The following RC3H2 variants were observed in gnomAD, a reference collection of about 807,000 sequenced individuals.
RC3H2 encodes ring finger and CCCH-type domains 2.
Under a neutral mutation model 133.3 loss-of-function variants are expected in RC3H2, and 31 were observed. The ratio of observed to expected loss-of-function variants is 0.23; its 90% confidence interval spans 0.17 to 0.31. The LOEUF (loss-of-function observed/expected upper bound fraction) is 0.31. Ranked by LOEUF, RC3H2 falls within the 10% of genes least tolerant of loss-of-function variation. The pLI, the probability that RC3H2 is intolerant of heterozygous loss-of-function variation, is 1.00. For synonymous variants in RC3H2, 517 were observed against 502.2 expected, an observed-to-expected ratio of 1.03 and a Z score of -0.40; for missense variants, 1,175 against 1,437.2, an observed-to-expected ratio of 0.82 and a Z score of 2.95.
rs1832806401 is a variant in RC3H2, at chr9:122,905,318, T to G, written c.-276A>C. ...TCCTCCTCCCTCCACCTCCGCCTCC[T>G]CCTCCTCCTCCTCCTCACCACGGAG... On this transcript the variant is annotated 5_prime_UTR_variant, in exon 1 of 21. Transcript: ENST00000357244. 1 of 977,200 alleles carries G rather than the reference T, an allele frequency of 1.0e-6. No individual in the cohort carries two copies. Among genetic ancestry groups the G allele is most frequent in the Non-Finnish European group, 1.2e-6 (1 of 822,286 alleles). The allele number at this position is 977,200 out of a possible 1,614,324, so 60.5% of individuals were successfully genotyped here.
At chr9:122,887,946 T>C (rs1831999412) in intron 4 of RC3H2, among the ~76,000 whole-genome samples, 1 of 152,116 alleles carries the variant, frequency 6.6e-6, no homozygotes, top group African/African-American at 2.4e-5. Context: ...GGTTTCGCCA[T>C]GTTGGCCAGG....
Position 122,865,623 on chromosome 9 carries a change from C to A in RC3H2, c.1360G>T (p.Val454Leu). ...RLRNKKINAT[V>L]RTFPLLNKVG... ...TTATTTAGAAGAGGAAACGTTCTTA[C>A]AGTGGCATTGATCTTTTTGTTCCTT... Residue 454 changes from valine (V) to leucine (L), a missense_variant, in exon 10 of 21, where the codon GTA (valine) becomes TTA (leucine). Val to Leu is a conservative substitution (Grantham distance 32, BLOSUM62 1). Transcript: ENST00000357244. The A allele has an allele frequency of 6.2e-7, 1 of 1,613,444 alleles. No individual in the cohort carries two copies. Among genetic ancestry groups the A allele is most frequent in the Non-Finnish European group, 8.5e-7 (1 of 1,179,934 alleles).
chr9:122,869,429 C>T (rs1588077582), intron 9 of RC3H2, among the ~76,000 whole-genome samples: 2 of 152,140 alleles, frequency 1.3e-5, no homozygotes, highest in East Asian at 3.8e-4. Flanking sequence ...TCCTTCTCTT[C>T]TCCTTCTCTT....
intron 18 of RC3H2, among the ~76,000 whole-genome samples, chr9:122,853,549 C>T (rs1217342728): frequency 6.6e-6 from 1 of 152,124 alleles, no homozygotes; most frequent in African/African-American, 2.4e-5. Flanking sequence ...GTCAGGAGTT[C>T]AAGACCAGCT....
chr9:122,875,112 A>G, intron 9 of RC3H2: 1 of 1,392,808 alleles, frequency 7.2e-7, no homozygotes, highest in Admixed American at 2.8e-5. Flanking sequence ...CTTGATGTGA[A>G]ATTCTGTATA....
In RC3H2 at chr9:122,883,141, T is replaced by C. The variant is rs145187712; in HGVS notation, c.759+63A>G. 45 of 1,488,572 alleles carry C rather than the reference T, an allele frequency of 3.0e-5. No individual in the cohort carries two copies. In the East Asian group the frequency reaches 9.2e-4, roughly 30 times the overall value. The allele number at this position is 1,488,572 out of a possible 1,614,324, so 92.2% of individuals were successfully genotyped here. ...GCTAGGGCCTCTAGACTGGGTAACATGAATTTCAGGAAGTCTCTGTCTCAC... is the reference window on the plus strand; with the variant it reads ...GCTAGGGCCTCTAGACTGGGTAACACGAATTTCAGGAAGTCTCTGTCTCAC... On this transcript the variant is annotated intron_variant, in intron 5 of 20. Transcript: ENST00000357244.
Position 122,891,012 on chromosome 9 carries a change from ATTTTTTTTTTT to A in RC3H2, c.350-478_350-468del, listed in dbSNP as rs10571749. Among the ~76,000 whole-genome samples, 77 of 72,828 alleles carry A rather than the reference ATTTTTTTTTTT, an allele frequency of 1.1e-3. 1 individual carries two copies. The South Asian group carries it at 0.017, about 16-fold the overall frequency. 47.8% of individuals were successfully genotyped at this position (72,828 alleles called of 152,430 possible). A position where few individuals can be genotyped will look rare whatever the true frequency, so the allele number is the denominator to read the frequency against. Reference sequence around the variant, plus strand: ...CTGCTTCCCCTACCAAATCTGCCCCATTTTTTTTTTTTTTTTTTTTTTTTGGAGACAGAGTC... The same window carrying A: ...CTGCTTCCCCTACCAAATCTGCCCCATTTTTTTTTTTTTGGAGACAGAGTC... On this transcript the variant is annotated intron_variant, in intron 3 of 20. Transcript: ENST00000357244.
chr9:122,897,371 G>C lies in RC3H2; in HGVS notation c.139C>G (p.Arg47Gly). The change falls in exon 2 of 21, where the codon CGA becomes GGA. Residue 47 changes from arginine (R) to glycine (G), a missense_variant. Around this residue, in one of 8 missense-constraint regions of RC3H2, gnomAD observed 41 missense variants for 88.0 expected, o/e 0.47. Transcript: ENST00000357244. ...GTCTGGTCAAAAGGACAAGCTTTTCGATGAAGTTTATTCAAGCAGGTCTTG... is the reference window on the plus strand; with the variant it reads ...GTCTGGTCAAAAGGACAAGCTTTTCCATGAAGTTTATTCAAGCAGGTCTTG... ...VCKTCLNKLH[R>G]KACPFDQTAI... 1 of 1,614,160 alleles carries C rather than the reference G, an allele frequency of 6.2e-7. No individual in the cohort carries two copies.
chr9:122,855,689 T>C (rs771170899), intron 14 of RC3H2, 43 bp downstream of exon 14: 10 of 1,575,484 alleles, frequency 6.3e-6, no homozygotes, highest in Middle Eastern at 3.4e-4. Context: ...TGAACATGCA[T>C]CATCTCTCAC....
chr9:122,896,696 G>A (rs1055641454), intron 2 of RC3H2, among the ~76,000 whole-genome samples: 2 of 152,070 alleles, frequency 1.3e-5, no homozygotes, highest in African/African-American at 2.4e-5. Context: ...TTATTAGGTT[G>A]CTGCAAAAGT....
chr9:122,855,957 T>A (rs1000989595), intron 13 of RC3H2, 79 bp from the exon 14 acceptor site: 4 of 1,191,662 alleles, frequency 3.4e-6, no homozygotes, highest in Non-Finnish European at 4.6e-6. Flanking sequence ...AAGTAACTAT[T>A]ATAGAATTCA....
At chr9:122,904,995 G>T (rs930690046) in intron 1 of RC3H2, 115 bp downstream of exon 1, 2 of 732,062 alleles carry the variant, frequency 2.7e-6, no homozygotes, top group African/African-American at 1.9e-5. Flanking sequence ...AACCCTCGAG[G>T]CACCAGGGGC....
At chr9:122,865,200 A>T (rs867687308) in intron 10 of RC3H2, 149 bp downstream of exon 10, 23 of 734,346 alleles carry the variant, frequency 3.1e-5, no homozygotes, top group Admixed American at 1.5e-4. Context: ...TAGAACTCAA[A>T]TTTTTTAGTA....
chr9:122,863,807 G>A (rs1446483548), intron 10 of RC3H2, among the ~76,000 whole-genome samples: 2 of 152,028 alleles, frequency 1.3e-5, no homozygotes, highest in Non-Finnish European at 2.9e-5. Context: ...TGCGATCTTG[G>A]CTCACTGCAA....
At chr9:122,868,135 G>A (rs1314198552) in intron 9 of RC3H2, among the ~76,000 whole-genome samples, 5 of 147,570 alleles carry the variant, frequency 3.4e-5, no homozygotes, top group East Asian at 2.1e-4. Flanking sequence ...TCAGCCCCCC[G>A]CCCGGCCAGC....
At chr9:122,867,714 C>T (rs1412680066) in intron 9 of RC3H2, among the ~76,000 whole-genome samples, 8 of 109,096 alleles carry the variant, frequency 7.3e-5, no homozygotes, top group East Asian at 7.0e-4. Flanking sequence ...TGCCTGGCCG[C>T]GACCCCGTCT....
intron 5 of RC3H2, 30 bp from the exon 6 acceptor site, chr9:122,880,824 T>C (rs775137233): frequency 3.3e-6 from 5 of 1,536,238 alleles, no homozygotes; most frequent in South Asian, 1.1e-5. Context: ...AAAATCAGAA[T>C]TGGTCTGTGC....
chr9:122,849,542 CATTATATAATATAT>C lies in RC3H2; in HGVS notation c.*71_*84del, dbSNP rs1829940828. On this transcript the variant is annotated 3_prime_UTR_variant, in exon 21 of 21. Transcript: ENST00000357244. ...ATATCTTTTTTTTAAAAAAAATATA[CATTATATAATATAT>C]ATTATATATATAAAAAGCTAGTGTA... 4.2e-6 allele frequency: 2 copies of C among 471,852 alleles called. No homozygotes were observed. The highest frequency in any genetic ancestry group is 6.2e-6 in the Non-Finnish European group (2 of 320,026). The allele number at this position is 471,852 out of a possible 1,614,324, so 29.2% of individuals were successfully genotyped here. A position where few individuals can be genotyped will look rare whatever the true frequency, so the allele number is the denominator to read the frequency against.
In RC3H2 at chr9:122,905,220, CACG is replaced by C. The variant is rs986172753; in HGVS notation, c.-181_-179del. ...CCGGGGCAGAGCTCGGCGGAGGTTTCACGACCTCAAACTCCATCGGGAGCTACA... is the reference window on the plus strand; with the variant it reads ...CCGGGGCAGAGCTCGGCGGAGGTTTCACCTCAAACTCCATCGGGAGCTACA... On this transcript the variant is annotated 5_prime_UTR_variant, in exon 1 of 21. Coordinates refer to ENST00000357244, the MANE Select transcript of RC3H2 (RefSeq NM_001100588.3). The C allele has an allele frequency of 2.8e-4, 272 of 985,508 alleles. 2 individuals carry two copies. In the African/African-American group the frequency reaches 4.5e-3, roughly 16 times the overall value. 61.0% of individuals were successfully genotyped at this position (985,508 alleles called of 1,614,324 possible). A position where few individuals can be genotyped will look rare whatever the true frequency, so the allele number is the denominator to read the frequency against.
Sources: gnomAD v4.1 joint callset for allele counts (sites outside exome capture counted in the v4.1 genomes callset) on GRCh38, gnomAD v4.1.1 for gene constraint, gnomAD v4.1.1 regional missense constraint, MANE v1.5 for transcripts, NCBI Gene and HGNC (gene_info 2026-07-23, HGNC 2026-07-21) for gene names.